The following TUFM variants were observed in gnomAD, a reference collection of about 807,000 sequenced individuals.
TUFM encodes the protein elongation factor Tu, mitochondrial.
In TUFM, 23 loss-of-function variants were observed where a neutral mutation model predicts 45.0. The observed-to-expected ratio is 0.51, with a 90% CI of 0.37 to 0.72. The LOEUF (loss-of-function observed/expected upper bound fraction) is 0.72, where lower values mean the gene tolerates loss of function less well. Among genes scored for constraint, TUFM ranks in the 30% least tolerant of loss-of-function variants. TUFM has a pLI of 0.00. For missense variants in TUFM, 490 were observed against 610.7 expected (o/e 0.80, Z 2.08); for synonymous variants, 243 against 252.9 (o/e 0.96, Z 0.37).
In TUFM at chr16:28,844,302, G is replaced by A. The variant is rs180768366; in HGVS notation, c.850C>T (p.Arg284Cys). Residue 284 changes from arginine (R) to cysteine (C), a missense_variant, in exon 7 of 10, where the codon CGT becomes TGT. Arg to Cys is a radical substitution (Grantham distance 180, BLOSUM62 -3). Coordinates refer to ENST00000313511, the MANE Select transcript of TUFM (RefSeq NM_003321.5). This position sits in a 1 kb window ranked among gnomAD's most constrained non-coding sequence, Gnocchi z 5.8. ...RGTVVTGTLERGILKKGDECE... is the reference protein window; with the variant it reads ...RGTVVTGTLECGILKKGDECE... ...TCGTCTCCCTTCTTTAAAATGCCACGCTCTAGTGTACCTGTCACCACGGTG... is the reference window on the plus strand; with the variant it reads ...TCGTCTCCCTTCTTTAAAATGCCACACTCTAGTGTACCTGTCACCACGGTG... The A allele has an allele frequency of 5.0e-6, 8 of 1,614,180 alleles. No homozygotes were observed. The highest frequency in any genetic ancestry group is 4.5e-5 in the East Asian group (2 of 44,884).
rs1013607309 is a variant in TUFM at position 28,844,592 on chromosome 16, A to G, written c.685-41T>C. The G allele has an allele frequency of 1.2e-6, 2 of 1,612,910 alleles. No homozygotes were observed. The highest frequency in any genetic ancestry group is 1.7e-6 in the Non-Finnish European group (2 of 1,179,974). On this transcript the variant is annotated intron_variant, in intron 5 of 9. Coordinates refer to ENST00000313511, the MANE Select transcript of TUFM (RefSeq NM_003321.5). The surrounding 1 kb of genome is among the most constrained non-coding windows in gnomAD (Gnocchi z 5.8). ...GCCAGGACTCTGAAATCCCCATTCTACTTCCCTCGATTATCAAGAGCCACT... is the reference window on the plus strand; with the variant it reads ...GCCAGGACTCTGAAATCCCCATTCTGCTTCCCTCGATTATCAAGAGCCACT...
rs780922993 is a variant in TUFM, at chr16:28,844,266, G to A, written c.886C>T (p.Leu296=). ...GTGCGGATGTTCTTGCTATGTCCTA[G>A]GAGCTCACACTCGTCTCCCTTCTTT... The part of the protein sequence containing the change: ...ILKKGDECEL[L]GHSKNIRTVV... Residue 296 remains leucine (L), a synonymous_variant, in exon 7 of 10, where the codon CTA becomes TTA. Coordinates refer to ENST00000313511, the MANE Select transcript of TUFM (RefSeq NM_003321.5). The surrounding 1 kb of genome is among the most constrained non-coding windows in gnomAD (Gnocchi z 5.8). The A allele has an allele frequency of 6.2e-7, 1 of 1,614,052 alleles. No individual in the cohort carries two copies. The highest frequency in any genetic ancestry group is 1.3e-5 in the African/African-American group (1 of 74,922).
In TUFM at chr16:28,844,848, A is replaced by G. The variant is rs369390280; in HGVS notation, c.534T>C (p.His178=). Residue 178 remains histidine (H), a synonymous_variant, in exon 5 of 10, where the codon CAT becomes CAC. Transcript: ENST00000313511. This position sits in a 1 kb window ranked among gnomAD's most constrained non-coding sequence, Gnocchi z 5.8. The part of the protein sequence containing the change: ...LLLARQIGVE[H]VVVYVNKADA... The stretch of plus-strand genomic sequence containing the variant: ...CAGCCTTGTTCACATACACCACCAC[A>G]TGCTCCACCCCAATCTGTAGATGCC... 7.6e-5 allele frequency: 122 copies of G among 1,613,888 alleles called. No homozygotes were observed. Among genetic ancestry groups the G allele is most frequent in the Non-Finnish European group, 9.5e-5 (112 of 1,180,018 alleles).
rs924099073 is a variant in TUFM, at chr16:28,844,035, C to G, written c.989G>C (p.Arg330Pro). ...CCGCAAGTCCTCCCGCTTCAAGCCT[C>G]GGACCAGGGCCCCGAGGTTATCTCC... is the stretch of plus-strand genomic sequence containing the variant. ...EAGDNLGALV[R>P]GLKREDLRRG... is the part of the protein sequence containing the mutation. The change falls in exon 8 of 10, where the codon CGA becomes CCA. Residue 330 changes from arginine (R) to proline (P), a missense_variant. Arg to Pro is a moderately radical substitution (Grantham distance 103). Coordinates refer to ENST00000313511, the MANE Select transcript of TUFM (RefSeq NM_003321.5). This position sits in a 1 kb window ranked among gnomAD's most constrained non-coding sequence, Gnocchi z 5.8. The G allele has an allele frequency of 1.2e-6, 2 of 1,614,214 alleles. No individual in the cohort carries two copies. Among genetic ancestry groups the G allele is most frequent in the Non-Finnish European group, 1.7e-6 (2 of 1,180,042 alleles).
In TUFM at chr16:28,843,997, T is replaced by C. The variant is rs775054744; in HGVS notation, c.1027A>G (p.Met343Val). The C allele has an allele frequency of 9.3e-6, 15 of 1,614,100 alleles. No individual in the cohort carries two copies. Among genetic ancestry groups the C allele is most frequent in the Non-Finnish European group, 1.3e-5 (15 of 1,180,020 alleles). The stretch of plus-strand genomic sequence containing the variant: ...GGCTTGATGGAACCTGGCTTGACCA[T>C]GACCAGGCCCCGCCGCAAGTCCTCC... ...KREDLRRGLVMVKPGSIKPHQ... is the reference protein window; with the variant it reads ...KREDLRRGLVVVKPGSIKPHQ... Residue 343 changes from methionine to valine, a missense_variant, in exon 8 of 10, where the codon ATG (methionine) becomes GTG (valine). By Grantham distance (21) the Met-to-Val change is conservative. Coordinates refer to ENST00000313511, the MANE Select transcript of TUFM (RefSeq NM_003321.5).
chr16:28,844,066 C>G lies in TUFM; in HGVS notation c.958G>C (p.Glu320Gln). Residue 320 changes from glutamate (E) to glutamine (Q), a missense_variant, in exon 8 of 10, where the codon GAG becomes CAG. Physicochemically the swap from Glu to Gln is conservative, Grantham distance 29. Coordinates refer to ENST00000313511, the MANE Select transcript of TUFM (RefSeq NM_003321.5). The surrounding 1 kb of genome is among the most constrained non-coding windows in gnomAD (Gnocchi z 5.8). ...AGGGCCCCGAGGTTATCTCCGGCCTCGGCCCTCTCCAGGCTCTTGTGGAAC... is the reference window on the plus strand; with the variant it reads ...AGGGCCCCGAGGTTATCTCCGGCCTGGGCCCTCTCCAGGCTCTTGTGGAAC... ...EMFHKSLERA[E>Q]AGDNLGALVR... 1.2e-6 allele frequency: 2 copies of G among 1,614,196 alleles called. No homozygotes were observed. The highest frequency in any genetic ancestry group is 1.7e-6 in the Non-Finnish European group (2 of 1,180,044).
chr16:28,845,668 G>C (rs1961929482), intron 2 of TUFM, among the ~76,000 whole-genome samples, 188 bp from the exon 3 acceptor site: 1 of 152,176 alleles, frequency 6.6e-6, no homozygotes, highest in East Asian at 1.9e-4. Context: ...GACTTCTTTA[G>C]GGTACAGCCT....
Position 28,845,060 on chromosome 16 carries a change from AGAG to A in TUFM, c.415-8_415-6del, listed in dbSNP as rs1336021241. ...TGCAGTGCCTGTGATCATATTCTGG[AGAG>A]GAGAAGGAAAGGAAACAGCCAAGTT... On this transcript the variant is annotated splice_polypyrimidine_tract_variant and splice_region_variant and intron_variant, in intron 3 of 9. Coordinates refer to ENST00000313511, the MANE Select transcript of TUFM (RefSeq NM_003321.5). 8 of 1,613,856 alleles carry A rather than the reference AGAG, an allele frequency of 5.0e-6. No individual in the cohort carries two copies. The highest frequency in any genetic ancestry group is 1.6e-4 in the Middle Eastern group (1 of 6,084).
At chr16:28,845,593 C>T in intron 2 of TUFM, 113 bp from the exon 3 acceptor site, 2 of 1,320,546 alleles carry the variant, frequency 1.5e-6, no homozygotes, top group Non-Finnish European at 2.1e-6. Flanking sequence ...CAATCTCTAA[C>T]TCTTCCAGCA....
Position 28,843,151 on chromosome 16 carries a change from A to G in TUFM, c.1195-3T>C, listed in dbSNP as rs376169369. 157 of 1,614,048 alleles carry G rather than the reference A, an allele frequency of 9.7e-5. 1 individual carries two copies. The highest frequency in any genetic ancestry group is 8.2e-4 in the Middle Eastern group (5 of 6,084). On this transcript the variant is annotated splice_region_variant and splice_polypyrimidine_tract_variant and intron_variant, in intron 9 of 9. Transcript: ENST00000313511. ...TCCTCCCCGGGCATGGCAAGCTCCTAGAGTAGGAAGAGAAGGATCATGCGT... is the reference window on the plus strand; with the variant it reads ...TCCTCCCCGGGCATGGCAAGCTCCTGGAGTAGGAAGAGAAGGATCATGCGT...
At chr16:28,846,174 C>A in intron 1 of TUFM, 44 bp downstream of exon 1, 4 of 1,598,172 alleles carry the variant, frequency 2.5e-6, no homozygotes, top group Non-Finnish European at 2.6e-6. Context: ...CTACCACTCC[C>A]CCAAAGTGTT....
chr16:28,843,199 C>T (rs776189219), intron 9 of TUFM, 51 bp from the exon 10 acceptor site: 1 of 1,605,434 alleles, frequency 6.2e-7, no homozygotes, highest in African/African-American at 1.3e-5. Context: ...GCCTTCATTC[C>T]TTAAGTCTTT....
chr16:28,843,031 G>C lies in TUFM; in HGVS notation c.1312C>G (p.Leu438Val). ...GTCATGGCCAGCGTGTTGGTGACTAGACCGGTGCCAATAGTCCGGTTGCCA... is the reference window on the plus strand; with the variant it reads ...GTCATGGCCAGCGTGTTGGTGACTACACCGGTGCCAATAGTCCGGTTGCCA... ...RDGNRTIGTG[L>V]VTNTLAMTEE... is the part of the protein sequence containing the mutation. The change falls in exon 10 of 10, where the codon CTA becomes GTA. Residue 438 changes from leucine (L) to valine (V), a missense_variant. Physicochemically the swap from Leu to Val is conservative, Grantham distance 32. Transcript: ENST00000313511. 1 of 1,614,228 alleles carries C rather than the reference G, an allele frequency of 6.2e-7. No individual in the cohort carries two copies. The highest frequency in any genetic ancestry group is 1.3e-5 in the African/African-American group (1 of 75,072).
chr16:28,845,840 G>A (rs1365684019), intron 2 of TUFM, 72 bp downstream of exon 2: 9 of 1,581,876 alleles, frequency 5.7e-6, no homozygotes, highest in Non-Finnish European at 8.6e-7. Context: ...CAGACACTCT[G>A]CTGGCCTTGC....
In TUFM at chr16:28,842,856, C is replaced by A. The variant is rs143744958; in HGVS notation, c.*119G>T. The A allele has an allele frequency of 1.9e-5, 25 of 1,331,468 alleles. No homozygotes were observed. Among genetic ancestry groups the A allele is most frequent in the Non-Finnish European group, 2.7e-5 (25 of 929,800 alleles). 82.5% of individuals were successfully genotyped at this position (1,331,468 alleles called of 1,614,324 possible). On this transcript the variant is annotated 3_prime_UTR_variant, in exon 10 of 10. Transcript: ENST00000313511. The stretch of plus-strand genomic sequence containing the variant: ...CAACCCTTCCGAGCAGGGGAAATGT[C>A]CATCTAGCTGCCCTCTGCTGGGTTG...
In TUFM at chr16:28,845,365, G is replaced by A. The variant is rs779131187; in HGVS notation, c.363C>T (p.Ala121=). 1.9e-6 allele frequency: 3 copies of A among 1,613,968 alleles called. No individual in the cohort carries two copies. Among genetic ancestry groups the A allele is most frequent in the South Asian group, 1.1e-5 (1 of 91,070 alleles). ...INAAHVEYST[A]ARHYAHTDCP... ...AGTCTGTGTGGGCGTAGTGGCGGGC[G>A]GCAGTGCTATACTCCACATGAGCCG... The change falls in exon 3 of 10, where the codon GCC becomes GCT. Residue 121 remains alanine, a synonymous_variant. Coordinates refer to ENST00000313511, the MANE Select transcript of TUFM (RefSeq NM_003321.5).
At chr16:28,843,912 T>C (rs534744632) in intron 8 of TUFM, 38 bp downstream of exon 8, 3 of 1,614,026 alleles carry the variant, frequency 1.9e-6, no homozygotes, top group East Asian at 2.2e-5. Context: ...TGGGGAGAGC[T>C]TGGCTCAACC....
chr16:28,844,012 G>A lies in TUFM; in HGVS notation c.1012C>T (p.Arg338Trp), dbSNP rs946818015. 1.1e-5 allele frequency: 17 copies of A among 1,614,120 alleles called. No individual in the cohort carries two copies. Among genetic ancestry groups the A allele is most frequent in the Middle Eastern group, 1.6e-4 (1 of 6,062 alleles). The change falls in exon 8 of 10, where the codon CGG (arginine) becomes TGG (tryptophan). Residue 338 changes from arginine (R) to tryptophan (W), a missense_variant. Coordinates refer to ENST00000313511, the MANE Select transcript of TUFM (RefSeq NM_003321.5). This position sits in a 1 kb window ranked among gnomAD's most constrained non-coding sequence, Gnocchi z 5.8. ...LVRGLKREDL[R>W]RGLVMVKPGS... ...GGCTTGACCATGACCAGGCCCCGCC[G>A]CAAGTCCTCCCGCTTCAAGCCTCGG...
rs1961955617 is a variant in TUFM, at chr16:28,846,224, A to C, written c.46T>G (p.Phe16Val). 1.3e-6 allele frequency: 2 copies of C among 1,576,590 alleles called. No individual in the cohort carries two copies. The highest frequency in any genetic ancestry group is 2.3e-5 in the South Asian group (2 of 87,110). The change falls in exon 1 of 10, where the codon TTC becomes GTC. Residue 16 changes from phenylalanine (F) to valine (V), a missense_variant. Coordinates refer to ENST00000313511, the MANE Select transcript of TUFM (RefSeq NM_003321.5). The stretch of plus-strand genomic sequence containing the variant: ...GCCCTCCCTGACCACTCACCGCTGA[A>C]GTGGGGCGTCGCGCGCAGCAGGGTG... ...AATLLRATPH[F>V]SGLAAGRTFL...
Sources: gnomAD v4.1 joint callset for allele counts (sites outside exome capture counted in the v4.1 genomes callset) on GRCh38, gnomAD v4.1.1 for gene constraint, Gnocchi (gnomAD v3.1) non-coding constraint, MANE v1.5 for transcripts, NCBI Gene and HGNC (gene_info 2026-07-23, HGNC 2026-07-21) for gene names.